Variants in SCUBE1 observed in about 807,000 individuals in gnomAD.
SCUBE1 encodes signal peptide, CUB and EGF-like domain-containing protein 1.
In SCUBE1, 59 loss-of-function variants were observed where a neutral mutation model predicts 124.4. That is an observed-to-expected ratio of 0.47 (90% CI 0.38 to 0.59). The LOEUF is 0.59. SCUBE1 is among the 20% of genes least tolerant of loss of function. The pLI is 0.00. For missense variants in SCUBE1, 1,150 were observed against 1,371.2 expected, an observed-to-expected ratio of 0.84 and a Z score of 2.55; for synonymous variants, 545 against 550.9, an observed-to-expected ratio of 0.99 and a Z score of 0.15.
intron 4 of SCUBE1, among the ~76,000 whole-genome samples, chr22:43,289,417 G>C (rs1272230760): frequency 2.0e-5 from 3 of 152,222 alleles, no homozygotes; most frequent in African/African-American, 7.2e-5. Context: ...TGTGACAGCA[G>C]CAAGTGCCAG....
intron 15 of SCUBE1, among the ~76,000 whole-genome samples, chr22:43,216,603 G>T (rs1428070801): frequency 6.6e-6 from 1 of 151,952 alleles, no homozygotes; most frequent in Non-Finnish European, 1.5e-5. Context: ...GGTGAGCTGA[G>T]ATTACACCAT....
At chr22:43,221,838 C>T (rs1601807231) in intron 12 of SCUBE1, among the ~76,000 whole-genome samples, 1 of 152,030 alleles carries the variant, frequency 6.6e-6, no homozygotes, top group African/African-American at 2.4e-5. Flanking sequence ...CCGAGGCAGG[C>T]GGATCACTTG....
chr22:43,207,692 C>G, intron 20 of SCUBE1, 79 bp from the exon 21 acceptor site: 1 of 1,109,682 alleles, frequency 9.0e-7, no homozygotes, highest in Non-Finnish European at 1.4e-6. Flanking sequence ...CCAGCCTCTG[C>G]CCTCCCTCCT....
intron 13 of SCUBE1, 57 bp downstream of exon 13, chr22:43,221,116 A>G: frequency 1.4e-6 from 2 of 1,409,758 alleles, no homozygotes; most frequent in East Asian, 2.3e-5. Flanking sequence ...GCTCCCAGGC[A>G]TGAGGACTCT....
intron 4 of SCUBE1, among the ~76,000 whole-genome samples, chr22:43,286,952 C>T (rs374619937): frequency 5.9e-5 from 9 of 152,262 alleles, no homozygotes; most frequent in African/African-American, 2.2e-4. Context: ...GGCATCAATC[C>T]GTCAGAAGTT....
chr22:43,283,605 C>T (rs1925012352), intron 4 of SCUBE1: 1 of 152,146 alleles, frequency 6.6e-6, no homozygotes, highest in Non-Finnish European at 1.5e-5. Flanking sequence ...TAAATGCGAA[C>T]TATTGACTGC....
intron 3 of SCUBE1, among the ~76,000 whole-genome samples, chr22:43,309,841 C>T: frequency 6.6e-6 from 1 of 152,130 alleles, no homozygotes; most frequent in Non-Finnish European, 1.5e-5. Flanking sequence ...CATCCACTGG[C>T]TGCTCCCGTC....
At chr22:43,288,989 TAACA>T (rs1313578310) in intron 4 of SCUBE1, among the ~76,000 whole-genome samples, 1 of 152,208 alleles carries the variant, frequency 6.6e-6, no homozygotes, top group Non-Finnish European at 1.5e-5. Context: ...GCCAAACCTG[TAACA>T]AACAGGCTGT....
chr22:43,260,875 C>T (rs998263924), intron 5 of SCUBE1, among the ~76,000 whole-genome samples: 12 of 152,202 alleles, frequency 7.9e-5, no homozygotes, highest in African/African-American at 1.4e-4. Flanking sequence ...CCTGACCTCT[C>T]GCACCAGGCT....
intron 4 of SCUBE1, among the ~76,000 whole-genome samples, chr22:43,288,249 T>A (rs1198359463): frequency 6.6e-6 from 1 of 152,150 alleles, no homozygotes; most frequent in East Asian, 1.9e-4. Flanking sequence ...TCTGACCACC[T>A]GGGGCATCTG....
intron 2 of SCUBE1, among the ~76,000 whole-genome samples, chr22:43,324,573 TA>T (rs1238870568): frequency 2.0e-5 from 3 of 152,154 alleles, no homozygotes; most frequent in Non-Finnish European, 2.9e-5. Context: ...CCTCCTCCTT[TA>T]ATACTTAAGA....
At chr22:43,312,913 G>A (rs534614532) in intron 3 of SCUBE1, among the ~76,000 whole-genome samples, 1 of 152,318 alleles carries the variant, frequency 6.6e-6, no homozygotes, top group Admixed American at 6.5e-5. Flanking sequence ...ACTATGGGGC[G>A]GGGGTGGGCA....
At chr22:43,209,869 C>T (rs1030723514) in intron 19 of SCUBE1, among the ~76,000 whole-genome samples, 174 bp downstream of exon 19, 2 of 152,352 alleles carry the variant, frequency 1.3e-5, no homozygotes, top group African/African-American at 4.8e-5. Flanking sequence ...AGCTCTTAGA[C>T]CCAAGTGGGT....
At chr22:43,286,091 C>A (rs2146745840) in intron 4 of SCUBE1, among the ~76,000 whole-genome samples, 1 of 152,242 alleles carries the variant, frequency 6.6e-6, no homozygotes, top group East Asian at 1.9e-4. Context: ...TTGTGGGGCC[C>A]TGGGCCAGGC....
At chr22:43,338,915 G>A (rs552345414) in intron 2 of SCUBE1, among the ~76,000 whole-genome samples, 189 bp downstream of exon 2, 3 of 152,216 alleles carry the variant, frequency 2.0e-5, no homozygotes, top group Non-Finnish European at 4.4e-5. Flanking sequence ...ACCCTTCCAG[G>A]GAAGCAGCCG....
At chr22:43,307,765 A>C (rs766556608) in intron 3 of SCUBE1, among the ~76,000 whole-genome samples, 1 of 152,238 alleles carries the variant, frequency 6.6e-6, no homozygotes, top group Non-Finnish European at 1.5e-5. Flanking sequence ...TTCTGCTGCT[A>C]TAAACCCCAC....
At chr22:43,237,467 C>T (rs751607270) in intron 7 of SCUBE1, 6 of 152,222 alleles carry the variant, frequency 3.9e-5, no homozygotes, top group Admixed American at 1.3e-4. Context: ...AGACCTTGGG[C>T]TTCCTCGGCC....
Position 43,210,663 on chromosome 22 carries a change from G to C in SCUBE1, c.2383+259C>G, listed in dbSNP as rs987988423. On this transcript the variant is annotated intron_variant, in intron 18 of 21. Coordinates refer to ENST00000360835, the MANE Select transcript of SCUBE1 (RefSeq NM_173050.5). This position sits in a 1 kb window ranked among gnomAD's most constrained non-coding sequence, Gnocchi z 4.5. ...AGGGCCTGGCCCAGGGCAGAGGCTT[G>C]GGCTGTGTTGGGTGAGCAGTGGGAA... 1.3e-5 allele frequency among the ~76,000 whole-genome samples: 2 copies of C among 152,210 alleles called. No homozygotes were observed. The highest frequency in any genetic ancestry group is 4.8e-5 in the African/African-American group (2 of 41,460).
At chr22:43,257,876 C>T (rs925548169) in intron 6 of SCUBE1, among the ~76,000 whole-genome samples, 2 of 152,232 alleles carry the variant, frequency 1.3e-5, no homozygotes, top group African/African-American at 2.4e-5. Flanking sequence ...GTGCATACAC[C>T]TCCCTTCTCC....
Sources: gnomAD v4.1 joint callset for allele counts (sites outside exome capture counted in the v4.1 genomes callset) on GRCh38, gnomAD v4.1.1 for gene constraint, Gnocchi (gnomAD v3.1) non-coding constraint, MANE v1.5 for transcripts, NCBI Gene and HGNC (gene_info 2026-07-23, HGNC 2026-07-21) for gene names.